The following COG7 variants were observed in gnomAD, a reference collection of about 807,000 sequenced individuals.
COG7 encodes the protein conserved oligomeric Golgi complex subunit 7.
In COG7, 49 loss-of-function variants were observed where a neutral mutation model predicts 91.5. The observed-to-expected ratio is 0.54, with a 90% CI of 0.43 to 0.68. The LOEUF is 0.68. Among genes scored for constraint, COG7 ranks in the 30% least tolerant of loss-of-function variants. COG7 has a pLI of 0.00. For missense variants in COG7, 895 were observed against 961.3 expected (o/e 0.93, Z 0.91); for synonymous variants, 365 against 388.7 (o/e 0.94, Z 0.72).
At chr16:23,413,186 A>G (rs1947388177) in intron 10 of COG7, 1 of 401,074 alleles carries the variant, frequency 2.5e-6, no homozygotes, top group Non-Finnish European at 4.6e-6. Flanking sequence ...CAAATATAAA[A>G]AATTTAAGTC....
intron 16 of COG7, 122 bp from the exon 17 acceptor site, chr16:23,389,208 G>T: frequency 2.5e-6 from 3 of 1,209,572 alleles, no homozygotes; most frequent in Non-Finnish European, 2.3e-6. Flanking sequence ...CCTAGATGTG[G>T]GGCGCCAACC....
Position 23,416,751 on chromosome 16 carries a change from C to T in COG7, c.1292+216G>A, listed in dbSNP as rs1963661526. 7 of 603,190 alleles carry T rather than the reference C, an allele frequency of 1.2e-5. No homozygotes were observed. In the South Asian group the frequency reaches 1.4e-4, roughly 12 times the overall value. 37.4% of individuals were successfully genotyped at this position (603,190 alleles called of 1,614,324 possible). A position where few individuals can be genotyped will look rare whatever the true frequency, so the allele number is the denominator to read the frequency against. ...TTTCCCTCATATGAATATGTCACAT[C>T]TTAAGTAACCTTCCCTAATGGGTAG... On this transcript the variant is annotated intron_variant, in intron 9 of 16. Transcript: ENST00000307149.
intron 13 of COG7, among the ~76,000 whole-genome samples, 169 bp downstream of exon 13, chr16:23,403,525 T>C (rs886527545): frequency 2.6e-4 from 40 of 152,174 alleles, no homozygotes; most frequent in African/African-American, 9.7e-4. Context: ...AGATAAGAAA[T>C]TCATGCTAAG....
chr16:23,394,628 CAT>C (rs1567327563), intron 14 of COG7, among the ~76,000 whole-genome samples: 1 of 151,998 alleles, frequency 6.6e-6, no homozygotes, highest in African/African-American at 2.4e-5. Flanking sequence ...TGGCCTCACA[CAT>C]GTCTACGTAA....
intron 1 of COG7, among the ~76,000 whole-genome samples, chr16:23,449,671 G>A (rs971524028): frequency 6.6e-6 from 1 of 150,422 alleles, no homozygotes; most frequent in Non-Finnish European, 1.5e-5. Flanking sequence ...AACCCGAGAG[G>A]CGGAGGTTGC....
intron 14 of COG7, among the ~76,000 whole-genome samples, chr16:23,394,488 A>G (rs1963252411): frequency 6.6e-6 from 1 of 152,118 alleles, no homozygotes; most frequent in Non-Finnish European, 1.5e-5. Context: ...TATGTTTTTA[A>G]AAGGTCTTTC....
intron 6 of COG7, 107 bp downstream of exon 6, chr16:23,433,438 G>C: frequency 7.0e-7 from 1 of 1,437,358 alleles, no homozygotes; most frequent in South Asian, 1.2e-5. Flanking sequence ...AAACGGGGAA[G>C]TTCTTTGAGC....
intron 14 of COG7, among the ~76,000 whole-genome samples, chr16:23,396,204 C>G (rs1963282751): frequency 6.6e-6 from 1 of 152,214 alleles, no homozygotes; most frequent in South Asian, 2.1e-4. Context: ...CTCCGTACAG[C>G]TCAGGAGGAC....
At chr16:23,452,742 C>T in intron 1 of COG7, 84 bp downstream of exon 1, 2 of 1,530,016 alleles carry the variant, frequency 1.3e-6, no homozygotes, top group Admixed American at 4.0e-5. Flanking sequence ...GCCCCGCCCA[C>T]CTGAGTGCCT....
At chr16:23,392,815 C>T (rs2142058648) in intron 15 of COG7, among the ~76,000 whole-genome samples, 1 of 152,202 alleles carries the variant, frequency 6.6e-6, no homozygotes, top group East Asian at 1.9e-4. Context: ...CCTGTAGTCC[C>T]AGCTACTCAG....
chr16:23,393,894 A>G (rs1037287797), intron 14 of COG7, among the ~76,000 whole-genome samples: 1 of 152,084 alleles, frequency 6.6e-6, no homozygotes, highest in Admixed American at 6.6e-5. Flanking sequence ...TACAAAAATT[A>G]GCCGGGGATG....
intron 14 of COG7, among the ~76,000 whole-genome samples, chr16:23,393,934 G>C (rs1257335305): frequency 6.6e-6 from 1 of 151,890 alleles, no homozygotes; most frequent in African/African-American, 2.4e-5. Context: ...CCAGCTACTC[G>C]GGAGGCTGAG....
At chr16:23,418,604 C>T in intron 8 of COG7, 96 bp downstream of exon 8, 2 of 1,127,526 alleles carry the variant, frequency 1.8e-6, no homozygotes, top group Non-Finnish European at 2.7e-6. Flanking sequence ...CATATTTCAG[C>T]ACCCCGGATC....
intron 10 of COG7, among the ~76,000 whole-genome samples, chr16:23,411,341 C>T (rs1963558066): frequency 6.6e-6 from 1 of 152,170 alleles, no homozygotes; most frequent in Admixed American, 6.5e-5. Flanking sequence ...AAGTGCGCAT[C>T]ATCACCAGGC....
At chr16:23,436,876 T>C (rs1022598721) in intron 4 of COG7, among the ~76,000 whole-genome samples, 1 of 152,130 alleles carries the variant, frequency 6.6e-6, no homozygotes, top group East Asian at 1.9e-4. Flanking sequence ...AAGAAAACAT[T>C]GTTTTATCTG....
intron 14 of COG7, among the ~76,000 whole-genome samples, chr16:23,394,282 A>G (rs1963248506): frequency 6.6e-6 from 1 of 152,206 alleles, no homozygotes; most frequent in South Asian, 2.1e-4. Flanking sequence ...CAATTGTCCT[A>G]AAAGACATTT....
rs1185984467 is a variant in COG7 at position 23,417,126 on chromosome 16, T to C, written c.1138-5A>G. Reference sequence around the variant, plus strand: ...GTCAATCACTTCCCCATGCTCCTGGTCAGCAAATACAGACAAAGCTGCATT... The same window carrying C: ...GTCAATCACTTCCCCATGCTCCTGGCCAGCAAATACAGACAAAGCTGCATT... On this transcript the variant is annotated splice_polypyrimidine_tract_variant and splice_region_variant and intron_variant, in intron 8 of 16. Coordinates refer to ENST00000307149, the MANE Select transcript of COG7 (RefSeq NM_153603.4). 1 of 1,614,202 alleles carries C rather than the reference T, an allele frequency of 6.2e-7. No homozygotes were observed. Among genetic ancestry groups the C allele is most frequent in the Admixed American group, 1.7e-5 (1 of 60,018 alleles).
chr16:23,410,725 C>A (rs1325835249), intron 10 of COG7, among the ~76,000 whole-genome samples: 2 of 151,902 alleles, frequency 1.3e-5, no homozygotes, highest in Non-Finnish European at 2.9e-5. Context: ...TTTATTTTTG[C>A]AACTAAGTCT....
chr16:23,393,271 G>A lies in COG7; in HGVS notation c.1964C>T (p.Ala655Val). ...VTQEDSALEL[A>V]LHAGKLPFPP... Reference sequence around the variant, plus strand: ...AAATGGCAGCTTTCCAGCGTGCAATGCCAACTCTAAGGCAGAGTCCTCCTG... The same window carrying A: ...AAATGGCAGCTTTCCAGCGTGCAATACCAACTCTAAGGCAGAGTCCTCCTG... Residue 655 changes from alanine to valine, a missense_variant, in exon 15 of 17, where the codon GCA becomes GTA. Ala to Val is a moderately conservative substitution (Grantham distance 64). Coordinates refer to ENST00000307149, the MANE Select transcript of COG7 (RefSeq NM_153603.4). 1 of 1,614,074 alleles carries A rather than the reference G, an allele frequency of 6.2e-7. No individual in the cohort carries two copies. Among genetic ancestry groups the A allele is most frequent in the South Asian group, 1.1e-5 (1 of 91,064 alleles).
Sources: allele counts gnomAD v4.1 joint callset (sites outside exome capture counted in the v4.1 genomes callset), GRCh38; gene constraint gnomAD v4.1.1; transcripts MANE v1.5; gene names NCBI Gene and HGNC (gene_info 2026-07-23, HGNC 2026-07-21).